Variants in GALNT13 observed in about 807,000 individuals in gnomAD.
The protein encoded by GALNT13 is polypeptide N-acetylgalactosaminyltransferase 13, also known as UDP-GalNAc:polypeptide N-acetylgalactosaminyltransferase 13.
A neutral mutation model predicts 64.2 loss-of-function variants in GALNT13; 28 were observed. That is an observed-to-expected ratio of 0.44 (90% confidence interval 0.32 to 0.60). The LOEUF (loss-of-function observed/expected upper bound fraction) is 0.60, where lower values mean the gene tolerates loss of function less well. Among genes scored for constraint, GALNT13 ranks in the 20% least tolerant of loss-of-function variants. GALNT13 has a pLI of 0.05. For missense variants in GALNT13, 577 were observed against 669.8 expected, an observed-to-expected ratio of 0.86 and a Z score of 1.53; for synonymous variants, 214 against 224.6, an observed-to-expected ratio of 0.95 and a Z score of 0.42.
the GALNT13 span, among the ~76,000 whole-genome samples, chr2:153,620,866 A>C: frequency 6.6e-6 from 1 of 151,944 alleles, no homozygotes; most frequent in Non-Finnish European, 1.5e-5. Flanking sequence ...CACTTATTGT[A>C]GTCTTCACTG....
At chr2:154,296,468 G>A (rs1692930032) in intron 8 of GALNT13, among the ~76,000 whole-genome samples, 1 of 152,212 alleles carries the variant, frequency 6.6e-6, no homozygotes, top group Non-Finnish European at 1.5e-5. Context: ...TCATTTATGA[G>A]TATTCCATAG....
At chr2:154,288,903 C>T (rs1006324252) in intron 8 of GALNT13, among the ~76,000 whole-genome samples, 29 of 152,208 alleles carry the variant, frequency 1.9e-4, no homozygotes, top group South Asian at 4.1e-4. Flanking sequence ...GTCTGGAGGA[C>T]GGTGGCCCTC....
intron 3 of GALNT13, among the ~76,000 whole-genome samples, chr2:154,074,921 A>G (rs1425710411): frequency 6.6e-6 from 1 of 151,988 alleles, no homozygotes; most frequent in Non-Finnish European, 1.5e-5. Flanking sequence ...AGAGCCATCT[A>G]TGACAAATCC....
the GALNT13 span, among the ~76,000 whole-genome samples, chr2:153,571,316 A>G: frequency 6.6e-6 from 1 of 152,044 alleles, no homozygotes; most frequent in African/African-American, 2.4e-5. Context: ...GTATCCTGCA[A>G]CTTTAATAAA....
At chr2:153,122,254 T>C in the GALNT13 span, among the ~76,000 whole-genome samples, 1 of 151,808 alleles carries the variant, frequency 6.6e-6, no homozygotes, top group African/African-American at 2.4e-5. Context: ...TATGGTGTTA[T>C]GTTAAATGAA....
the GALNT13 span, among the ~76,000 whole-genome samples, chr2:153,153,549 T>A: frequency 6.6e-6 from 1 of 152,106 alleles, no homozygotes; most frequent in African/African-American, 2.4e-5. Context: ...CTTTAATCCA[T>A]CTTGAGTTAA....
At chr2:153,518,166 TTTCAGTGTTCTTCC>T in the GALNT13 span, among the ~76,000 whole-genome samples, 1 of 152,148 alleles carries the variant, frequency 6.6e-6, no homozygotes, top group South Asian at 2.1e-4. Flanking sequence ...GTTCTTATTT[TTTCAGTGTTCTTCC>T]AATGACTTCA....
the GALNT13 span, among the ~76,000 whole-genome samples, chr2:153,501,070 A>T: frequency 7.2e-6 from 1 of 138,356 alleles, no homozygotes; most frequent in Non-Finnish European, 1.5e-5. Context: ...CCAGTAAAAA[A>T]AAAAAATATA....
chr2:153,151,641 T>A, the GALNT13 span, among the ~76,000 whole-genome samples: 1 of 152,140 alleles, frequency 6.6e-6, no homozygotes, highest in African/African-American at 2.4e-5. Flanking sequence ...CATGAAATAC[T>A]ATGCAGCCAT....
the GALNT13 span, among the ~76,000 whole-genome samples, chr2:153,424,099 A>G: frequency 2.0e-5 from 3 of 150,240 alleles, no homozygotes; most frequent in Non-Finnish European, 4.5e-5. Context: ...GGTCCTACCC[A>G]TGTATATGTG....
chr2:153,721,304 G>C, the GALNT13 span, among the ~76,000 whole-genome samples: 12 of 146,116 alleles, frequency 8.2e-5, no homozygotes, highest in African/African-American at 3.0e-4. Context: ...AAGAGCTCCT[G>C]AAGGAAGCGC....
chr2:153,254,309 G>A, the GALNT13 span, among the ~76,000 whole-genome samples: 4 of 141,288 alleles, frequency 2.8e-5, no homozygotes, highest in African/African-American at 5.3e-5. Flanking sequence ...GGGATCGGTG[G>A]TGATATCCCC....
At chr2:154,446,592 A>AC (rs1701590859) in intron 12 of GALNT13, 29 of 1,545,876 alleles carry the variant, frequency 1.9e-5, no homozygotes, top group Non-Finnish European at 2.5e-5. Flanking sequence ...TCATATAATC[A>AC]CCCAGTCTTG....
the GALNT13 span, among the ~76,000 whole-genome samples, chr2:153,362,638 C>T: frequency 0.018 from 2,537 of 144,474 alleles, 75 homozygotes; most frequent in African/African-American, 0.062. Flanking sequence ...TCAAAAAAGA[C>T]GAAGGATATT....
intron 3 of GALNT13, among the ~76,000 whole-genome samples, chr2:153,988,063 T>TACACACACACAC (rs70981690): frequency 7.2e-6 from 1 of 139,264 alleles, no homozygotes; most frequent in Non-Finnish European, 1.6e-5. Flanking sequence ...GTGACATATA[T>TACACACACACAC]ATATATATAT....
chr2:153,234,800 T>A, the GALNT13 span, among the ~76,000 whole-genome samples: 7 of 152,140 alleles, frequency 4.6e-5, no homozygotes, highest in Admixed American at 2.0e-4. Flanking sequence ...CATCTAATTT[T>A]GAAAGGTCAC....
chr2:153,593,284 A>G, the GALNT13 span: 1 of 152,542 alleles, frequency 6.6e-6, no homozygotes, highest in Non-Finnish European at 1.5e-5. Flanking sequence ...GCGTGAGAGC[A>G]GAGTGAGGCC....
the GALNT13 span, among the ~76,000 whole-genome samples, chr2:153,241,612 A>G: frequency 6.6e-6 from 1 of 151,990 alleles, no homozygotes; most frequent in Non-Finnish European, 1.5e-5. Context: ...CTGGTATACC[A>G]GCAAAATGTG....
the GALNT13 span, among the ~76,000 whole-genome samples, chr2:153,224,227 AC>A: frequency 6.6e-6 from 1 of 152,014 alleles, no homozygotes; most frequent in African/African-American, 2.4e-5. Context: ...AAAACCCAAT[AC>A]CTCATGTTCT....
Sources: allele counts gnomAD v4.1 joint callset (sites outside exome capture counted in the v4.1 genomes callset), GRCh38; gene constraint gnomAD v4.1.1; transcripts MANE v1.5; gene names NCBI Gene and HGNC (gene_info 2026-07-23, HGNC 2026-07-21).